RGS20: variants seen among roughly 807,000 people sequenced by gnomAD.
RGS20 encodes regulator of G protein signaling 20, also known as gz-selective GTPase-activating protein.
RGS20 carries 30 observed loss-of-function variants against 33.6 expected under a neutral mutation model. The ratio of observed to expected loss-of-function variants is 0.89; its 90% CI spans 0.67 to 1.21. The LOEUF is 1.21. RGS20 is among the 50% of genes most tolerant of loss of function. The pLI is 0.00. For missense variants in RGS20, 472 were observed against 502.4 expected, an observed-to-expected ratio of 0.94 and a Z score of 0.58; for synonymous variants, 208 against 197.9, an observed-to-expected ratio of 1.05 and a Z score of -0.43.
chr8:53,889,991 A>G (rs1001972651), intron 2 of RGS20, among the ~76,000 whole-genome samples: 7 of 151,974 alleles, frequency 4.6e-5, no homozygotes, highest in Admixed American at 4.6e-4. Flanking sequence ...TTATCTGTGG[A>G]TTGACGTCTT....
chr8:53,879,355 AC>A lies in RGS20; in HGVS notation c.265del (p.Leu89PhefsTer59). 1 of 1,610,166 alleles carries A rather than the reference AC, an allele frequency of 6.2e-7. No homozygotes were observed. The highest frequency in any genetic ancestry group is 8.5e-7 in the Non-Finnish European group (1 of 1,179,410). Reference sequence around the variant, plus strand: ...TCCAGCCTCGCAAGGTTCTTCTCTCACCTTCTCCGGCGACCCCCTCCCGAGG... The same window carrying A: ...TCCAGCCTCGCAAGGTTCTTCTCTCACTTCTCCGGCGACCCCCTCCCGAGG... On this transcript the variant is annotated frameshift_variant, in exon 2 of 6. Transcript: ENST00000297313. LOFTEE classifies it high-confidence loss of function.
chr8:53,863,793 C>T (rs1238155626), intron 1 of RGS20, among the ~76,000 whole-genome samples: 1 of 145,572 alleles, frequency 6.9e-6, no homozygotes, highest in Admixed American at 7.0e-5. Context: ...ATGGCGCCAA[C>T]TCGGCTCACT....
intron 1 of RGS20, among the ~76,000 whole-genome samples, chr8:53,855,820 A>G (rs1198257891): frequency 6.6e-6 from 1 of 152,188 alleles, no homozygotes; most frequent in African/African-American, 2.4e-5. Flanking sequence ...TGACACACAA[A>G]TCACCTACAT....
chr8:53,912,795 C>G (rs927865221), intron 2 of RGS20, among the ~76,000 whole-genome samples: 6 of 151,530 alleles, frequency 4.0e-5, no homozygotes, highest in Admixed American at 1.3e-4. Context: ...ATTAGGTTAC[C>G]CTGAAGTATA....
intron 1 of RGS20, among the ~76,000 whole-genome samples, chr8:53,855,571 A>G (rs1585856017): frequency 2.6e-5 from 4 of 152,172 alleles, no homozygotes; most frequent in South Asian, 2.1e-4. Flanking sequence ...GCATGAAACT[A>G]TACACGTGCA....
At chr8:53,909,211 A>ATGTGTG (rs1397698862) in intron 2 of RGS20, among the ~76,000 whole-genome samples, 34 of 9,918 alleles carry the variant, frequency 3.4e-3, no homozygotes, top group African/African-American at 9.7e-3. Context: ...GTATGTGTGT[A>ATGTGTG]TATATATATA....
At chr8:53,898,077 T>C (rs1812917620) in intron 2 of RGS20, among the ~76,000 whole-genome samples, 1 of 152,182 alleles carries the variant, frequency 6.6e-6, no homozygotes, top group South Asian at 2.1e-4. Context: ...GCCTCCTTGA[T>C]GGCTGTGGGG....
At chr8:53,894,401 A>C (rs543572534) in intron 2 of RGS20, among the ~76,000 whole-genome samples, 2 of 152,202 alleles carry the variant, frequency 1.3e-5, no homozygotes, top group African/African-American at 4.8e-5. Context: ...AGATTCTCCC[A>C]TGCACATCCT....
chr8:53,906,580 G>A (rs1019522921), intron 2 of RGS20, among the ~76,000 whole-genome samples: 8 of 152,166 alleles, frequency 5.3e-5, no homozygotes, highest in Non-Finnish European at 1.0e-4. Flanking sequence ...ATTGAAACAC[G>A]TTGTGTTAAA....
At chr8:53,941,877 C>G (rs1441600928) in intron 3 of RGS20, among the ~76,000 whole-genome samples, 1 of 152,050 alleles carries the variant, frequency 6.6e-6, no homozygotes. Context: ...CCTGAAAACC[C>G]TAGGCAAACC....
intron 2 of RGS20, among the ~76,000 whole-genome samples, chr8:53,903,580 C>T (rs1219892465): frequency 1.3e-5 from 2 of 152,192 alleles, no homozygotes; most frequent in Non-Finnish European, 2.9e-5. Context: ...TTGGTGATGT[C>T]ACTTACACAG....
At chr8:53,867,658 T>TCTTC (rs3083109) in intron 1 of RGS20, among the ~76,000 whole-genome samples, 38,443 of 143,004 alleles carry the variant, frequency 0.27, 5,272 homozygotes, top group South Asian at 0.35. Context: ...ACGGAAGTAG[T>TCTTC]CTTCCTTCCT....
At chr8:53,904,646 G>A (rs1413707480) in intron 2 of RGS20, among the ~76,000 whole-genome samples, 4 of 152,152 alleles carry the variant, frequency 2.6e-5, no homozygotes. Context: ...CACAGACAAA[G>A]ATTTTCCCAA....
chr8:53,950,131 C>T (rs375343815), intron 4 of RGS20, among the ~76,000 whole-genome samples: 25 of 152,114 alleles, frequency 1.6e-4, no homozygotes, highest in African/African-American at 5.8e-4. Flanking sequence ...TGAGCCACTA[C>T]GCCCAGCGTG....
intron 2 of RGS20, among the ~76,000 whole-genome samples, chr8:53,893,625 T>C (rs1252211927): frequency 6.6e-6 from 1 of 152,224 alleles, no homozygotes; most frequent in East Asian, 1.9e-4. Context: ...AGTCAAAGCA[T>C]AAGAGTGAGG....
intron 2 of RGS20, among the ~76,000 whole-genome samples, chr8:53,903,493 C>A (rs1474446925): frequency 6.6e-6 from 1 of 152,252 alleles, no homozygotes; most frequent in East Asian, 1.9e-4. Context: ...CAGTTAGGTC[C>A]CTGACAGGAG....
At chr8:53,954,358 C>G (rs1814798529) in intron 5 of RGS20, 48 bp downstream of exon 4, 2 of 1,316,514 alleles carry the variant, frequency 1.5e-6, no homozygotes, top group East Asian at 2.3e-5. Context: ...GTAAAATTAA[C>G]TTGGTGCAAA....
At chr8:53,907,743 A>G (rs1201039653) in intron 2 of RGS20, among the ~76,000 whole-genome samples, 1 of 152,176 alleles carries the variant, frequency 6.6e-6, no homozygotes, top group East Asian at 1.9e-4. Flanking sequence ...AGGATCCCAG[A>G]AAATGAATGG....
At chr8:53,878,549 T>C (rs1347760007) in intron 1 of RGS20, among the ~76,000 whole-genome samples, 2 of 152,166 alleles carry the variant, frequency 1.3e-5, no homozygotes, top group Non-Finnish European at 2.9e-5. Context: ...AAAGGAGGTC[T>C]GCAGAGGGTT....
Sources: gnomAD v4.1 joint callset for allele counts (sites outside exome capture counted in the v4.1 genomes callset) on GRCh38, gnomAD v4.1.1 for gene constraint, MANE v1.5 for transcripts, NCBI Gene and HGNC (gene_info 2026-07-23, HGNC 2026-07-21) for gene names.